The following SUB1 variants were observed in gnomAD, a reference collection of about 807,000 sequenced individuals.
SUB1 encodes the protein activated RNA polymerase II transcriptional coactivator p15.
A neutral mutation model predicts 16.9 loss-of-function variants in SUB1; 1 was observed. The ratio of observed to expected loss-of-function variants is 0.06; its 90% confidence interval spans 0.02 to 0.28. SUB1 has a LOEUF of 0.28. Among genes scored for constraint, SUB1 ranks in the 10% least tolerant of loss-of-function variants. SUB1 has a pLI of 1.00. For missense variants in SUB1, 84 were observed against 145.2 expected (o/e 0.58, Z 2.16); for synonymous variants, 51 against 46.9 (o/e 1.09, Z -0.36).
At chr5:32,586,839 C>T (rs921936068) in intron 1 of SUB1, among the ~76,000 whole-genome samples, 2 of 152,166 alleles carry the variant, frequency 1.3e-5, no homozygotes, top group Non-Finnish European at 2.9e-5. Flanking sequence ...TGAATTTACC[C>T]TTGAAGACAT....
chr5:32,600,893 C>T (rs771682944), intron 4 of SUB1, 112 bp from the exon 5 acceptor site: 21 of 928,792 alleles, frequency 2.3e-5, no homozygotes, highest in East Asian at 1.7e-4. Flanking sequence ...GTGTGAGCCA[C>T]CGCGCCCAGC....
Position 32,595,307 on chromosome 5 carries a change from A to G in SUB1, c.195+3622A>G, listed in dbSNP as rs1292870035. 13 of 152,266 alleles carry G rather than the reference A, an allele frequency of 8.5e-5. No homozygotes were observed. In the East Asian group the frequency reaches 2.3e-3, roughly 27 times the overall value. 9.4% of individuals were successfully genotyped at this position (152,266 alleles called of 1,614,324 possible). A position where few individuals can be genotyped will look rare whatever the true frequency, so the allele number is the denominator to read the frequency against. ...ACGCCTTTGTGGCCAGACCATTTTC[A>G]TCACCCCAGGAAGTTCCTCTTGGCT... On this transcript the variant is annotated intron_variant, in intron 3 of 4. Coordinates refer to ENST00000265073, the MANE Select transcript of SUB1 (RefSeq NM_006713.4).
Position 32,602,401 on chromosome 5 carries a change from G to A in SUB1, c.*1317G>A. The stretch of plus-strand genomic sequence containing the variant: ...GCAGTGGAACACAATTCTAGGTAGA[G>A]TAGAAAAAGGAAAGTTTTAAAGACA... On this transcript the variant is annotated 3_prime_UTR_variant, in exon 5 of 5. Transcript: ENST00000265073. 7.9e-6 allele frequency: 2 copies of A among 253,044 alleles called. No homozygotes were observed. Among genetic ancestry groups the A allele is most frequent in the Non-Finnish European group, 1.6e-5 (2 of 124,390 alleles). The allele number at this position is 253,044 out of a possible 1,614,324, so 15.7% of individuals were successfully genotyped here.
intron 2 of SUB1, among the ~76,000 whole-genome samples, chr5:32,589,919 T>G (rs1738774682): frequency 6.6e-6 from 1 of 152,062 alleles, no homozygotes; most frequent in South Asian, 2.1e-4. Context: ...TATGGGAGAT[T>G]GGAGAAGTTG....
intron 3 of SUB1, chr5:32,596,538 A>G (rs1396094200): frequency 2.6e-5 from 4 of 152,218 alleles, no homozygotes; most frequent in Non-Finnish European, 1.5e-5. Flanking sequence ...ATTTAGGTCT[A>G]TAATTCATGT....
rs1018899512 is a variant in SUB1, at chr5:32,592,686, A to G, written c.195+1001A>G. Among the ~76,000 whole-genome samples, 5 of 152,114 alleles carry G rather than the reference A, an allele frequency of 3.3e-5. No individual in the cohort carries two copies. In the East Asian group the frequency reaches 9.6e-4, roughly 29 times the overall value. On this transcript the variant is annotated intron_variant, in intron 3 of 4. Coordinates refer to ENST00000265073, the MANE Select transcript of SUB1 (RefSeq NM_006713.4). Reference sequence around the variant, plus strand: ...CAGAGGAATTAGGCAGTCAGTGAAGATGTGGACTTGATTGTGGATGTGATT... The same window carrying G: ...CAGAGGAATTAGGCAGTCAGTGAAGGTGTGGACTTGATTGTGGATGTGATT...
In SUB1 at chr5:32,585,565, TTC is replaced by T. The variant is rs1240796745; in HGVS notation, c.-58_-57del. On this transcript the variant is annotated 5_prime_UTR_variant, in exon 1 of 5. Coordinates refer to ENST00000265073, the MANE Select transcript of SUB1 (RefSeq NM_006713.4). ...GTCTCCTGGCTGCCGTCACTTCCGG[TTC>T]TCTGTCAGTCGCGAGCGAACGACCA... 3.3e-5 allele frequency: 5 copies of T among 152,168 alleles called. No homozygotes were observed. The highest frequency in any genetic ancestry group is 1.9e-4 in the East Asian group (1 of 5,182). 9.4% of individuals were successfully genotyped at this position (152,168 alleles called of 1,614,324 possible). A position where few individuals can be genotyped will look rare whatever the true frequency, so the allele number is the denominator to read the frequency against.
At chr5:32,588,425 T>G in intron 1 of SUB1, 87 bp from the exon 2 acceptor site, 1 of 1,220,364 alleles carries the variant, frequency 8.2e-7, no homozygotes, top group Middle Eastern at 2.9e-4. Context: ...GAACTTGTCC[T>G]TGATTTTTTT....
rs1739156435 is a variant in SUB1 at position 32,603,125 on chromosome 5, T to G, written c.*2041T>G. On this transcript the variant is annotated 3_prime_UTR_variant, in exon 5 of 5. Transcript: ENST00000265073. Reference sequence around the variant, plus strand: ...CAGCATTATGTTAATGAAGCCTCCATATAAGGAGTGTTTCTCTGGCACAGT... The same window carrying G: ...CAGCATTATGTTAATGAAGCCTCCAGATAAGGAGTGTTTCTCTGGCACAGT... 6.6e-6 allele frequency: 1 copy of G among 152,144 alleles called. No homozygotes were observed. The highest frequency in any genetic ancestry group is 6.5e-5 in the Admixed American group (1 of 15,272). 9.4% of individuals were successfully genotyped at this position (152,144 alleles called of 1,614,324 possible).
chr5:32,588,489 T>C, intron 1 of SUB1, 23 bp from the exon 2 acceptor site: 1 of 1,603,548 alleles, frequency 6.2e-7, no homozygotes, highest in Non-Finnish European at 8.5e-7. Flanking sequence ...ATTAATTATT[T>C]TTGTAATGTA....
intron 3 of SUB1, chr5:32,597,152 C>G (rs987316841): frequency 1.3e-5 from 2 of 151,830 alleles, no homozygotes; most frequent in African/African-American, 4.8e-5. Flanking sequence ...TGGTAAAAAC[C>G]ATAAAAGTAT....
intron 1 of SUB1, among the ~76,000 whole-genome samples, chr5:32,586,968 C>T (rs754706188): frequency 6.6e-6 from 1 of 152,178 alleles, no homozygotes; most frequent in Non-Finnish European, 1.5e-5. Flanking sequence ...ATGCAAGTTT[C>T]ATCTAGAGAG....
chr5:32,591,408 A>G, intron 2 of SUB1, 155 bp from the exon 3 acceptor site: 1 of 1,031,208 alleles, frequency 9.7e-7, no homozygotes, highest in Non-Finnish European at 1.3e-6. Context: ...TTAGATTCAT[A>G]GTTTTGTTGT....
At chr5:32,591,829 A>G (rs1001562557) in intron 3 of SUB1, 144 bp downstream of exon 3, 1 of 1,001,662 alleles carries the variant, frequency 1.0e-6, no homozygotes, top group African/African-American at 1.7e-5. Context: ...CCTCCCGAGT[A>G]GCTAGGATTA....
intron 1 of SUB1, among the ~76,000 whole-genome samples, chr5:32,587,183 G>A (rs1432222948): frequency 6.6e-6 from 1 of 152,128 alleles, no homozygotes; most frequent in Admixed American, 6.6e-5. Context: ...AGGTCTGCTT[G>A]CATAAATTCA....
At chr5:32,588,641 C>T (rs192204947) in intron 2 of SUB1, 57 bp downstream of exon 2, 833 of 1,516,320 alleles carry the variant, frequency 5.5e-4, no homozygotes, top group Non-Finnish European at 6.8e-4. Context: ...GTCCATATCC[C>T]ATTCTGAAGG....
At chr5:32,592,185 A>G (rs1738845016) in intron 3 of SUB1, among the ~76,000 whole-genome samples, 1 of 152,228 alleles carries the variant, frequency 6.6e-6, no homozygotes, top group African/African-American at 2.4e-5. Flanking sequence ...AAAGTCTCTA[A>G]AGTCTAGTTT....
At chr5:32,600,951 A>G in intron 4 of SUB1, 54 bp from the exon 5 acceptor site, 1 of 1,526,024 alleles carries the variant, frequency 6.6e-7, no homozygotes. Flanking sequence ...GAAGTATGAA[A>G]ATCCTCAACG....
intron 2 of SUB1, among the ~76,000 whole-genome samples, chr5:32,589,203 C>T (rs147696263): frequency 4.6e-5 from 7 of 152,054 alleles, no homozygotes; most frequent in African/African-American, 1.7e-4. Flanking sequence ...GTCCTCCCAC[C>T]TCTGCCTCCA....
Sources: gnomAD v4.1 joint callset for allele counts (sites outside exome capture counted in the v4.1 genomes callset) on GRCh38, gnomAD v4.1.1 for gene constraint, MANE v1.5 for transcripts, NCBI Gene and HGNC (gene_info 2026-07-23, HGNC 2026-07-21) for gene names.